The following ZNF831 variants were observed in gnomAD, a reference collection of about 807,000 sequenced individuals.
ZNF831 encodes the protein zinc finger protein 831.
Under a neutral mutation model 95.8 loss-of-function variants are expected in ZNF831, and 59 were observed. That is an observed-to-expected ratio of 0.62 (90% CI 0.50 to 0.77). The LOEUF (loss-of-function observed/expected upper bound fraction) is 0.77. Among genes scored for constraint, ZNF831 ranks in the 30% least tolerant of loss-of-function variants. The pLI is 0.00. For missense variants in ZNF831, 2,205 were observed against 2,164.0 expected (o/e 1.02, Z -0.38); for synonymous variants, 961 against 925.5 (o/e 1.04, Z -0.70).
chr20:59,239,649 A>G (rs1987207099), intron 4 of ZNF831, among the ~76,000 whole-genome samples: 1 of 149,216 alleles, frequency 6.7e-6, no homozygotes, highest in South Asian at 2.1e-4. Context: ...GGTTCAAGCG[A>G]TTCTCCTGCC....
intron 4 of ZNF831, among the ~76,000 whole-genome samples, chr20:59,225,280 G>A (rs1168874372): frequency 1.3e-5 from 2 of 152,170 alleles, no homozygotes; most frequent in Non-Finnish European, 2.9e-5. Context: ...TAGGTTTTGT[G>A]TTTACCTTTC....
chr20:59,187,990 T>C (rs1336835083), intron 1 of ZNF831, among the ~76,000 whole-genome samples: 1 of 152,260 alleles, frequency 6.6e-6, no homozygotes, highest in Non-Finnish European at 1.5e-5. Flanking sequence ...TGTTGCTTTT[T>C]ATGGCTGATT....
chr20:59,217,439 C>A lies in ZNF831; in HGVS notation c.4027+10383C>A, dbSNP rs1051567367. On this transcript the variant is annotated intron_variant, in intron 4 of 5. Transcript: ENST00000371030. The surrounding 1 kb of genome is among the most constrained non-coding windows in gnomAD (Gnocchi z 4.4). ...GGACACACTGTTTATATCTCCTTAG[C>A]CCAGGCAGGGTTTGCTCTAGGGAAT... Among the ~76,000 whole-genome samples the A allele has an allele frequency of 1.1e-4, 17 of 152,190 alleles. No individual in the cohort carries two copies. Among genetic ancestry groups the A allele is most frequent in the African/African-American group, 3.9e-4 (16 of 41,450 alleles).
intron 1 of ZNF831, among the ~76,000 whole-genome samples, chr20:59,170,674 A>G (rs909534473): frequency 6.6e-6 from 1 of 152,202 alleles, no homozygotes; most frequent in Non-Finnish European, 1.5e-5. Flanking sequence ...TATAAGACAT[A>G]AGGGAACTCC....
At chr20:59,219,888 T>C (rs190649357) in intron 4 of ZNF831, among the ~76,000 whole-genome samples, 18 of 152,130 alleles carry the variant, frequency 1.2e-4, no homozygotes, top group Admixed American at 1.1e-3. Context: ...CAACAATAGG[T>C]AGTGCACTAA....
exon 2 of ZNF831, chr20:59,146,347 C>G (rs1202348951): frequency 2.0e-5 from 3 of 152,280 alleles, no homozygotes; most frequent in South Asian, 2.1e-4. Context: ...CGGCAGCCCC[C>G]ACCTGCCTGT....
intron 2 of ZNF831, among the ~76,000 whole-genome samples, chr20:59,155,951 G>A (rs559768412): frequency 6.6e-6 from 1 of 152,056 alleles, no homozygotes; most frequent in African/African-American, 2.4e-5. Flanking sequence ...ATGCTCAACC[G>A]AAGACTAAAG....
chr20:59,129,775 A>G (rs1461814757), intron 1 of ZNF831, among the ~76,000 whole-genome samples: 1 of 152,202 alleles, frequency 6.6e-6, no homozygotes, highest in Non-Finnish European at 1.5e-5. Flanking sequence ...AGAATGCTAT[A>G]CATTGACTCA....
chr20:59,227,606 C>G (rs566262734), intron 4 of ZNF831, among the ~76,000 whole-genome samples: 2 of 152,320 alleles, frequency 1.3e-5, no homozygotes, highest in Admixed American at 1.3e-4. Flanking sequence ...TTTAAACAAG[C>G]ATTTGTTTTA....
chr20:59,162,435 T>A (rs542505059), upstream of ZNF831, among the ~76,000 whole-genome samples: 1 of 152,150 alleles, frequency 6.6e-6, no homozygotes, highest in Non-Finnish European at 1.5e-5. Context: ...TTTGTATATA[T>A]TGAGAGGTAA....
Position 59,254,543 on chromosome 20 carries a change from G to A in ZNF831, c.4834G>A (p.Gly1612Ser), listed in dbSNP as rs1393443537. 6 of 1,614,088 alleles carry A rather than the reference G, an allele frequency of 3.7e-6. No homozygotes were observed. The highest frequency in any genetic ancestry group is 1.3e-5 in the African/African-American group (1 of 75,006). The change falls in exon 6 of 6, where the codon GGT becomes AGT. Residue 1612 changes from glycine (G) to serine (S), a missense_variant. Gly to Ser is a moderately conservative substitution (Grantham distance 56). Transcript: ENST00000371030. The surrounding 1 kb of genome is among the most constrained non-coding windows in gnomAD (Gnocchi z 4.5). Reference protein sequence around the residue: ...TVPCPSLGSDGRKRQVSGLIT... With the variant: ...TVPCPSLGSDSRKRQVSGLIT... ...CCCCTGCCCCTCTTTAGGAAGTGAC[G>A]GTAGGAAACGTCAGGTATCTGGATT...
Position 59,194,652 on chromosome 20 carries a change from T to C in ZNF831, c.3633T>C (p.Phe1211=). The C allele has an allele frequency of 2.5e-6, 4 of 1,613,474 alleles. No individual in the cohort carries two copies. The highest frequency in any genetic ancestry group is 3.4e-6 in the Non-Finnish European group (4 of 1,179,854). ...CATCTGTGTACTTGGCGGTGCACTT[T>C]CCTGGTAGCAGCCTCCGAGATGAGG... ...KAASVYLAVH[F]PGSSLRDEGP... The change falls in exon 2 of 6, where the codon TTT becomes TTC. Residue 1211 remains phenylalanine (F), a synonymous_variant. Transcript: ENST00000371030.
At chr20:59,241,545 A>T (rs147481014) in intron 4 of ZNF831, among the ~76,000 whole-genome samples, 1 of 152,230 alleles carries the variant, frequency 6.6e-6, no homozygotes, top group African/African-American at 2.4e-5. Flanking sequence ...ATATAAGAAA[A>T]CTTTTGTAAG....
chr20:59,195,580 G>T (rs1368270317), intron 2 of ZNF831, among the ~76,000 whole-genome samples: 3 of 152,168 alleles, frequency 2.0e-5, no homozygotes, highest in Admixed American at 1.3e-4. Flanking sequence ...GGTGGATTTA[G>T]GGGATAGTAA....
Position 59,192,848 on chromosome 20 carries a change from G to A in ZNF831, c.1829G>A (p.Arg610Lys). Residue 610 changes from arginine (R) to lysine (K), a missense_variant, in exon 2 of 6, where the codon AGA becomes AAA. Arg to Lys is a conservative substitution (Grantham distance 26, BLOSUM62 2). Coordinates refer to ENST00000371030, the MANE Select transcript of ZNF831 (RefSeq NM_178457.3). This position sits in a 1 kb window ranked among gnomAD's most constrained non-coding sequence, Gnocchi z 5.2. ...GCGGGCGGCAGGAAGTGCGGCCAGA[G>A]AAGGCTGAAGATGTTCTCCCAGGAG... The part of the protein sequence containing the change: ...GRAGGRKCGQ[R>K]RLKMFSQEKW... 8 of 1,604,232 alleles carry A rather than the reference G, an allele frequency of 5.0e-6. No individual in the cohort carries two copies. The highest frequency in any genetic ancestry group is 5.1e-6 in the Non-Finnish European group (6 of 1,175,452).
intron 4 of ZNF831, among the ~76,000 whole-genome samples, chr20:59,241,183 G>A (rs1987313225): frequency 6.6e-6 from 1 of 151,982 alleles, no homozygotes; most frequent in South Asian, 2.1e-4. Flanking sequence ...GCTACCCCAC[G>A]TCTCAGCTTC....
intron 4 of ZNF831, among the ~76,000 whole-genome samples, chr20:59,219,905 G>T (rs1244885333): frequency 6.6e-6 from 1 of 152,092 alleles, no homozygotes; most frequent in East Asian, 1.9e-4. Flanking sequence ...CTAATGATGG[G>T]TTCAGTGGGC....
At chr20:59,129,398 G>A (rs1188625758) in intron 1 of ZNF831, among the ~76,000 whole-genome samples, 3 of 152,174 alleles carry the variant, frequency 2.0e-5, no homozygotes, top group South Asian at 4.1e-4. Context: ...AGGCTGAGGC[G>A]GGTGGATCAC....
chr20:59,216,452 C>G (rs968263046), intron 4 of ZNF831, among the ~76,000 whole-genome samples: 4 of 152,244 alleles, frequency 2.6e-5, no homozygotes, highest in African/African-American at 7.2e-5. Flanking sequence ...GAGTTTCACT[C>G]TGTCGCCCAG....
Sources: gnomAD v4.1 joint callset for allele counts (sites outside exome capture counted in the v4.1 genomes callset) on GRCh38, gnomAD v4.1.1 for gene constraint, Gnocchi (gnomAD v3.1) non-coding constraint, MANE v1.5 for transcripts, NCBI Gene and HGNC (gene_info 2026-07-23, HGNC 2026-07-21) for gene names.